The following TEX36 variants were observed in gnomAD, a reference collection of about 807,000 sequenced individuals.
TEX36 encodes the protein testis-expressed protein 36.
TEX36 carries 12 observed loss-of-function variants against 13.6 expected under a neutral mutation model. The ratio of observed to expected loss-of-function variants is 0.88; its 90% CI spans 0.56 to 1.43. The LOEUF (loss-of-function observed/expected upper bound fraction) is 1.43. Among genes scored for constraint, TEX36 ranks in the 40% most tolerant of loss-of-function variants. TEX36 has a pLI of 0.00. For missense variants in TEX36, 224 were observed against 228.3 expected (o/e 0.98, Z 0.12); for synonymous variants, 93 against 83.0 (o/e 1.12, Z -0.65).
intron 3 of TEX36, among the ~76,000 whole-genome samples, chr10:125,577,233 A>G (rs375844086): frequency 3.9e-5 from 6 of 152,192 alleles, no homozygotes; most frequent in African/African-American, 1.4e-4. Context: ...GCAGTGGCTT[A>G]TGCCTGTAAT....
At chr10:125,609,686 G>A (rs1375708069) in intron 3 of TEX36, among the ~76,000 whole-genome samples, 1 of 152,186 alleles carries the variant, frequency 6.6e-6, no homozygotes, top group East Asian at 1.9e-4. Context: ...CATTTGCCCT[G>A]TTTATATGAG....
chr10:125,680,162 T>C (rs1380848830), intron 1 of TEX36, among the ~76,000 whole-genome samples: 1 of 152,120 alleles, frequency 6.6e-6, no homozygotes, highest in Non-Finnish European at 1.5e-5. Flanking sequence ...ATACAAAGGG[T>C]CTTCGGGTTC....
At chr10:125,579,463 T>G (rs916896927) in intron 3 of TEX36, among the ~76,000 whole-genome samples, 1 of 151,996 alleles carries the variant, frequency 6.6e-6, no homozygotes, top group Non-Finnish European at 1.5e-5. Flanking sequence ...ACCCAACACG[T>G]GGGGATTACA....
chr10:125,635,777 A>C (rs188835789), intron 3 of TEX36, among the ~76,000 whole-genome samples: 228 of 152,200 alleles, frequency 1.5e-3, no homozygotes, highest in Middle Eastern at 3.4e-3. Context: ...AGCTTCTGGG[A>C]TGGTGGGTTC....
chr10:125,616,097 G>A (rs1846354121), intron 3 of TEX36, among the ~76,000 whole-genome samples: 1 of 152,140 alleles, frequency 6.6e-6, no homozygotes, highest in Admixed American at 6.5e-5. Context: ...TTCTCTGATG[G>A]TAGTTTGTAT....
chr10:125,643,995 C>T (rs955352419), intron 3 of TEX36, among the ~76,000 whole-genome samples: 1 of 152,062 alleles, frequency 6.6e-6, no homozygotes, highest in Admixed American at 6.6e-5. Context: ...AATGTTTGCA[C>T]CATGCAATAA....
At chr10:125,636,844 G>A (rs948189153) in intron 3 of TEX36, among the ~76,000 whole-genome samples, 4 of 152,044 alleles carry the variant, frequency 2.6e-5, no homozygotes, top group African/African-American at 9.7e-5. Flanking sequence ...GTTGACTGGA[G>A]GTGCAATGTG....
chr10:125,613,742 C>T (rs1056355752), intron 3 of TEX36, among the ~76,000 whole-genome samples: 18 of 151,946 alleles, frequency 1.2e-4, no homozygotes, highest in African/African-American at 3.9e-4. Context: ...AATAAACATA[C>T]GTGTGCATGT....
rs1479620306 is a variant in TEX36, at chr10:125,635,746, GC to G, written c.265-14102del. On this transcript the variant is annotated intron_variant, in intron 3 of 3. Coordinates refer to the TEX36 transcript ENST00000526819. Reference sequence around the variant, plus strand: ...CTGTTCTCCACTCACTCCAGCCAGTGCCCAGTTAATGGTATAAATGAGCTTC... The same window carrying G: ...CTGTTCTCCACTCACTCCAGCCAGTGCCAGTTAATGGTATAAATGAGCTTC... Among the ~76,000 whole-genome samples, 7 of 152,252 alleles carry G rather than the reference GC, an allele frequency of 4.6e-5. No individual in the cohort carries two copies. The East Asian group carries it at 1.2e-3, about 25-fold the overall frequency.
chr10:125,606,399 A>G (rs1434795858), intron 3 of TEX36, among the ~76,000 whole-genome samples: 1 of 152,250 alleles, frequency 6.6e-6, no homozygotes, highest in Non-Finnish European at 1.5e-5. Flanking sequence ...TTTAACCTTT[A>G]AACCAAGTCA....
chr10:125,620,403 C>G (rs1163965255), downstream of TEX36, among the ~76,000 whole-genome samples: 2 of 152,160 alleles, frequency 1.3e-5, no homozygotes, highest in Admixed American at 6.5e-5. Flanking sequence ...TGTAATTTAT[C>G]TTTTGTGAGT....
intron 3 of TEX36, among the ~76,000 whole-genome samples, chr10:125,586,300 G>A (rs186197044): frequency 6.6e-6 from 1 of 152,288 alleles, no homozygotes; most frequent in East Asian, 1.9e-4. Context: ...TAAATGCCTA[G>A]AAGTAAAATC....
chr10:125,592,390 C>T lies in TEX36; in HGVS notation c.265-15516G>A, dbSNP rs143474523. On this transcript the variant is annotated intron_variant, in intron 3 of 3. Transcript: ENST00000532135. ...CGACTCCTCTCTAACTACATGCTCA[C>T]AAATACAACATATTTTTTCTCTGCT... 3.3e-5 allele frequency among the ~76,000 whole-genome samples: 5 copies of T among 152,192 alleles called. No individual in the cohort carries two copies. The East Asian group carries it at 9.7e-4, about 30-fold the overall frequency.
chr10:125,595,340 T>C (rs926366153), intron 3 of TEX36, among the ~76,000 whole-genome samples: 2 of 152,188 alleles, frequency 1.3e-5, no homozygotes, highest in Non-Finnish European at 2.9e-5. Flanking sequence ...CCAACTTGTC[T>C]GAAGCTAGCA....
At chr10:125,586,387 T>C (rs1006904077) in intron 3 of TEX36, among the ~76,000 whole-genome samples, 3 of 152,196 alleles carry the variant, frequency 2.0e-5, no homozygotes, top group African/African-American at 7.2e-5. Flanking sequence ...TCAGGTCTTG[T>C]ACATTTCTTG....
intron 1 of TEX36, chr10:125,667,952 G>T: frequency 9.9e-7 from 1 of 1,008,284 alleles, no homozygotes; most frequent in Non-Finnish European, 1.6e-6. Context: ...GTAGGGCATG[G>T]TGCTGGTGGT....
At chr10:125,585,600 G>A (rs182004280) in intron 3 of TEX36, among the ~76,000 whole-genome samples, 3 of 152,304 alleles carry the variant, frequency 2.0e-5, no homozygotes, top group Admixed American at 1.3e-4. Flanking sequence ...TCATGGGACA[G>A]GTGTCCTACC....
At chr10:125,623,502 T>C (rs1282867685) in intron 3 of TEX36, among the ~76,000 whole-genome samples, 1 of 151,822 alleles carries the variant, frequency 6.6e-6, no homozygotes, top group East Asian at 1.9e-4. Context: ...CTTTCTGCAT[T>C]AGCTCATGAC....
chr10:125,589,282 G>A (rs1845995016), intron 3 of TEX36, among the ~76,000 whole-genome samples: 1 of 152,162 alleles, frequency 6.6e-6, no homozygotes, highest in Non-Finnish European at 1.5e-5. Context: ...TTTTTCGGAT[G>A]AATAGCTAAA....
Sources: gnomAD v4.1 joint callset for allele counts (sites outside exome capture counted in the v4.1 genomes callset) on GRCh38, gnomAD v4.1.1 for gene constraint, MANE v1.5 for transcripts, NCBI Gene and HGNC (gene_info 2026-07-23, HGNC 2026-07-21) for gene names.